UNKL: variants seen among roughly 807,000 people sequenced by gnomAD.
UNKL encodes putative E3 ubiquitin-protein ligase UNKL.
UNKL carries 60 observed loss-of-function variants against 78.0 expected under a neutral mutation model. The observed-to-expected ratio is 0.77, with a 90% confidence interval of 0.63 to 0.95. UNKL has a LOEUF of 0.95. UNKL is among the 40% of genes least tolerant of loss of function. UNKL has a pLI of 0.00. For missense variants in UNKL, 1,159 were observed against 1,045.7 expected, an observed-to-expected ratio of 1.11 and a Z score of -1.49; for synonymous variants, 608 against 474.8, an observed-to-expected ratio of 1.28 and a Z score of -3.65.
chr16:1,375,755 G>A (rs977091327), intron 10 of UNKL, among the ~76,000 whole-genome samples: 4 of 152,302 alleles, frequency 2.6e-5, no homozygotes, highest in South Asian at 4.1e-4. Context: ...GCTCATCGGC[G>A]GAGCCAAAGG....
At chr16:1,408,809 C>G (rs1320006935) in intron 2 of UNKL, 1 of 152,504 alleles carries the variant, frequency 6.6e-6, no homozygotes, top group Non-Finnish European at 1.5e-5. Flanking sequence ...TCAGCCCCAG[C>G]ACCTCCAGCC....
rs113852674 is a variant in UNKL at position 1,376,688 on chromosome 16, A to G, written c.1265-5077T>C. On this transcript the variant is annotated intron_variant, in intron 10 of 14. Transcript: ENST00000389221. ...GCAGTAGCACCCTGCGATCTGTAGC[A>G]GGGGGATACATTCCAAGACCCCCCC... Among the ~76,000 whole-genome samples, 182 of 95,784 alleles carry G rather than the reference A, an allele frequency of 1.9e-3. 1 individual carries two copies. The highest frequency in any genetic ancestry group is 5.7e-3 in the African/African-American group (151 of 26,442). The allele number at this position is 95,784 out of a possible 152,430, so 62.8% of individuals were successfully genotyped here. A position where few individuals can be genotyped will look rare whatever the true frequency, so the allele number is the denominator to read the frequency against.
At chr16:1,401,839 G>A (rs928172840) in intron 3 of UNKL, 138 bp from the exon 4 acceptor site, 2 of 1,211,858 alleles carry the variant, frequency 1.7e-6, no homozygotes, top group Non-Finnish European at 2.2e-6. Context: ...GAGTCTCAGT[G>A]TGTGGCGCTC....
intron 8 of UNKL, among the ~76,000 whole-genome samples, chr16:1,391,251 C>CACACACAA (rs1439407660): frequency 0.038 from 147 of 3,904 alleles, 1 homozygote; most frequent in African/African-American, 0.077. Context: ...CACACACACA[C>CACACACAA]ACACACACAC....
chr16:1,368,869 C>T (rs961431256), intron 12 of UNKL, among the ~76,000 whole-genome samples: 7 of 151,920 alleles, frequency 4.6e-5, no homozygotes, highest in South Asian at 2.1e-4. Flanking sequence ...GGAGCCTGGA[C>T]GACAGAGTGA....
chr16:1,365,115 T>TC lies in UNKL; in HGVS notation c.*1124dup, dbSNP rs1253465171. ...TTCAAGCGATTCTCCTGCCTCAGCC[T>TC]CCCGAGTAGCTGGGACTACAGGTGC... On this transcript the variant is annotated 3_prime_UTR_variant, in exon 15 of 15. Coordinates refer to ENST00000389221, the MANE Select transcript of UNKL (RefSeq NM_001372107.1). The TC allele has an allele frequency of 6.6e-6, 1 of 151,766 alleles. No homozygotes were observed. Among genetic ancestry groups the TC allele is most frequent in the East Asian group, 2.0e-4 (1 of 5,104 alleles). The allele number at this position is 151,766 out of a possible 1,614,324, so 9.4% of individuals were successfully genotyped here. A position where few individuals can be genotyped will look rare whatever the true frequency, so the allele number is the denominator to read the frequency against.
chr16:1,385,910 G>A (rs553810617), intron 9 of UNKL, among the ~76,000 whole-genome samples: 2 of 152,356 alleles, frequency 1.3e-5, no homozygotes, highest in East Asian at 1.9e-4. Flanking sequence ...CTGTGACCTC[G>A]TCACCAGGGA....
At chr16:1,397,141 C>T in intron 6 of UNKL, 37 bp downstream of exon 6, 1 of 1,539,998 alleles carries the variant, frequency 6.5e-7, no homozygotes, top group Non-Finnish European at 8.8e-7. Flanking sequence ...TGGGACCTTC[C>T]AGCGACCCCT....
At chr16:1,385,534 T>G in intron 9 of UNKL, 149 bp from the exon 10 acceptor site, 1 of 758,756 alleles carries the variant, frequency 1.3e-6, no homozygotes, top group Non-Finnish European at 1.8e-6. Flanking sequence ...CCGGAGGGAC[T>G]CTGACCGCAC....
At position 1,403,373 on chromosome 16, in the gene UNKL, G is replaced by A. The variant is rs752406252; in HGVS notation, c.288-29C>T. On this transcript the variant is annotated intron_variant, in intron 2 of 14. Coordinates refer to ENST00000389221, the MANE Select transcript of UNKL (RefSeq NM_001372107.1). This position sits in a 1 kb window ranked among gnomAD's most constrained non-coding sequence, Gnocchi z 4.8. The stretch of plus-strand genomic sequence containing the variant: ...GGGAGCAGAGAGGCACGCAATGCCT[G>A]GTTATCATGGACCCAGAGGCAGCCC... 1.9e-6 allele frequency: 3 copies of A among 1,606,836 alleles called. No homozygotes were observed. In the Admixed American group the frequency reaches 5.1e-5, roughly 27 times the overall value.
chr16:1,367,901 C>T (rs760706249), intron 12 of UNKL, 43 bp from the exon 13 acceptor site: 28 of 1,498,938 alleles, frequency 1.9e-5, no homozygotes, highest in African/African-American at 6.9e-5. Context: ...CTGCTGTGCT[C>T]GCGGCCTGGT....
In UNKL at chr16:1,373,066, G is replaced by T. The variant is rs1327262773; in HGVS notation, c.1265-1455C>A. On this transcript the variant is annotated intron_variant, in intron 10 of 14. Coordinates refer to ENST00000389221, the MANE Select transcript of UNKL (RefSeq NM_001372107.1). Reference sequence around the variant, plus strand: ...GGAGCACACCACACAGGGACTGCCGGCCTACACCGCACAGAGACCTCAGCA... The same window carrying T: ...GGAGCACACCACACAGGGACTGCCGTCCTACACCGCACAGAGACCTCAGCA... 4.9e-4 allele frequency among the ~76,000 whole-genome samples: 5 copies of T among 10,150 alleles called. 2 individuals are homozygous for T. In the South Asian group the frequency reaches 0.049, roughly 100 times the overall value. 6.7% of individuals were successfully genotyped at this position (10,150 alleles called of 152,430 possible). A position where few individuals can be genotyped will look rare whatever the true frequency, so the allele number is the denominator to read the frequency against.
chr16:1,412,546 G>T (rs2038087224), intron 2 of UNKL, among the ~76,000 whole-genome samples: 1 of 152,208 alleles, frequency 6.6e-6, no homozygotes, highest in African/African-American at 2.4e-5. Flanking sequence ...CAAGGCAGAG[G>T]TTGCCGTGAG....
At chr16:1,370,659 G>A (rs1276072881) in intron 11 of UNKL, among the ~76,000 whole-genome samples, 2 of 152,222 alleles carry the variant, frequency 1.3e-5, no homozygotes, top group South Asian at 2.1e-4. Context: ...AGGCCCTGCC[G>A]GCCAACTAAG....
intron 2 of UNKL, among the ~76,000 whole-genome samples, chr16:1,404,267 C>T (rs960945131): frequency 6.6e-6 from 1 of 152,248 alleles, no homozygotes; most frequent in African/African-American, 2.4e-5. Flanking sequence ...CTGAAACCTT[C>T]ACCTCCAGCT....
chr16:1,399,706 A>G lies in UNKL; in HGVS notation c.599-197T>C, dbSNP rs2037433939. ...ATGAGGGAAGCCGGGCCAGAAGGCCACGTGGTGTGATTCTGTTTATGTGAA... is the reference window on the plus strand; with the variant it reads ...ATGAGGGAAGCCGGGCCAGAAGGCCGCGTGGTGTGATTCTGTTTATGTGAA... On this transcript the variant is annotated intron_variant, in intron 4 of 14. Coordinates refer to ENST00000389221, the MANE Select transcript of UNKL (RefSeq NM_001372107.1). The surrounding 1 kb of genome is among the most constrained non-coding windows in gnomAD (Gnocchi z 5.8). 8 of 787,302 alleles carry G rather than the reference A, an allele frequency of 1.0e-5. No homozygotes were observed. The South Asian group carries it at 1.3e-4, about 12-fold the overall frequency. The allele number at this position is 787,302 out of a possible 1,614,324, so 48.8% of individuals were successfully genotyped here. A position where few individuals can be genotyped will look rare whatever the true frequency, so the allele number is the denominator to read the frequency against.
At chr16:1,412,095 ACCACCCT>A (rs2038066681) in intron 2 of UNKL, 1 of 152,064 alleles carries the variant, frequency 6.6e-6, no homozygotes, top group Non-Finnish European at 1.5e-5. Context: ...GCAGGAATGG[ACCACCCT>A]CCGCCCTCCA....
intron 5 of UNKL, among the ~76,000 whole-genome samples, chr16:1,397,963 C>T (rs994145435): frequency 5.9e-5 from 9 of 152,232 alleles, no homozygotes; most frequent in Admixed American, 2.0e-4. Flanking sequence ...CACGCAGGCC[C>T]GGCCAGTGCC....
intron 10 of UNKL, among the ~76,000 whole-genome samples, chr16:1,375,397 C>T (rs1028302225): frequency 2.6e-5 from 4 of 152,188 alleles, no homozygotes; most frequent in African/African-American, 7.2e-5. Flanking sequence ...CCGCACAGCA[C>T]GACCCAGACT....
Sources: gnomAD v4.1 joint callset for allele counts (sites outside exome capture counted in the v4.1 genomes callset) on GRCh38, gnomAD v4.1.1 for gene constraint, Gnocchi (gnomAD v3.1) non-coding constraint, MANE v1.5 for transcripts, NCBI Gene and HGNC (gene_info 2026-07-23, HGNC 2026-07-21) for gene names.